Variants in DMPK observed in about 807,000 individuals in gnomAD.
The protein encoded by DMPK is myotonin-protein kinase.
DMPK carries 32 observed loss-of-function variants against 70.3 expected under a neutral mutation model. The ratio of observed to expected loss-of-function variants is 0.46; its 90% CI spans 0.34 to 0.61. The LOEUF (loss-of-function observed/expected upper bound fraction) is 0.61, where lower values mean the gene tolerates loss of function less well. DMPK is among the 20% of genes least tolerant of loss of function. The probability of loss-of-function intolerance (pLI) is 0.01; values close to 1 mark genes in which losing one functional copy is unlikely to be tolerated. For synonymous variants in DMPK, 469 were observed against 390.9 expected, an observed-to-expected ratio of 1.20 and a Z score of -2.36; for missense variants, 899 against 886.0, an observed-to-expected ratio of 1.01 and a Z score of -0.19.
In DMPK at chr19:45,770,451, T is replaced by TC. The variant is rs769885511; in HGVS notation, c.*36dup. 1.9e-6 allele frequency: 3 copies of TC among 1,548,724 alleles called. No individual in the cohort carries two copies. In the East Asian group the frequency reaches 7.3e-5, roughly 38 times the overall value. On this transcript the variant is annotated 3_prime_UTR_variant, in exon 15 of 15. Transcript: ENST00000291270. ...GTGCCGTGCCCCGGGCACTCAGTCT[T>TC]CCAACGGGGCCCCGGAGTCGAAGAC... is the stretch of plus-strand genomic sequence containing the variant.
chr19:45,774,925 GA>G, intron 9 of DMPK, 23 bp downstream of exon 9: 1 of 1,603,728 alleles, frequency 6.2e-7, no homozygotes, highest in Non-Finnish European at 8.5e-7. Context: ...GTGGCCCCTG[GA>G]GGCCGTCCAG....
rs1280621603 is a variant in DMPK at position 45,779,793 on chromosome 19, G to A, written c.237C>T (p.Arg79=). ...TTCGGCTTACCTCGCTGAACGCCCCGCGTCCGATCACCTTCAGAATCTCGA... is the reference window on the plus strand; with the variant it reads ...TTCGGCTTACCTCGCTGAACGCCCCACGTCCGATCACCTTCAGAATCTCGA... The part of the protein sequence containing the change: ...DDFEILKVIG[R]GAFSEVAVVK... Residue 79 remains arginine, a synonymous_variant, in exon 2 of 15, where the codon CGC becomes CGT. Transcript: ENST00000291270. The A allele has an allele frequency of 1.4e-6, 2 of 1,468,228 alleles. No homozygotes were observed. Among genetic ancestry groups the A allele is most frequent in the African/African-American group, 1.4e-5 (1 of 70,462 alleles). The allele number at this position is 1,468,228 out of a possible 1,614,324, so 91.0% of individuals were successfully genotyped here.
chr19:45,770,393 G>A lies in DMPK; in HGVS notation c.*95C>T, dbSNP rs951074280. 6.9e-7 allele frequency: 1 copy of A among 1,453,006 alleles called. No homozygotes were observed. The allele number at this position is 1,453,006 out of a possible 1,614,324, so 90.0% of individuals were successfully genotyped here. ...TGGGCGGAGACCCACGCTCGGAGCG[G>A]TTGTGAACTGGCAGGCGGTGGGCGC... On this transcript the variant is annotated 3_prime_UTR_variant, in exon 15 of 15. Coordinates refer to ENST00000291270, the MANE Select transcript of DMPK (RefSeq NM_004409.5).
rs1281272167 is a variant in DMPK, at chr19:45,777,333, C to A, written c.1140G>T (p.Gly380=). The change falls in exon 8 of 15, where the codon GGG becomes GGT. Residue 380 remains glycine (G), a synonymous_variant. Coordinates refer to ENST00000291270, the MANE Select transcript of DMPK (RefSeq NM_004409.5). The surrounding 1 kb of genome is among the most constrained non-coding windows in gnomAD (Gnocchi z 6.7). ...AGGGGCCACAGGTACCTACCCCGCC[C>A]CCGCTCACCATGGCAGTGAGCCCGT... The part of the protein sequence containing the change: ...VEDGLTAMVS[G]GGETLSDIRE... 1 of 1,571,748 alleles carries A rather than the reference C, an allele frequency of 6.4e-7. No homozygotes were observed. The highest frequency in any genetic ancestry group is 1.2e-5 in the South Asian group (1 of 84,584).
chr19:45,773,768 G>A (rs908221951), intron 9 of DMPK, among the ~76,000 whole-genome samples: 1 of 152,096 alleles, frequency 6.6e-6, no homozygotes, highest in African/African-American at 2.4e-5. Flanking sequence ...AGACTCCTGA[G>A]TAGCTAGGAC....
chr19:45,773,581 A>G (rs573469092), intron 9 of DMPK, among the ~76,000 whole-genome samples: 72 of 152,348 alleles, frequency 4.7e-4, no homozygotes, highest in Admixed American at 1.7e-3. Flanking sequence ...TGGTGAGCTC[A>G]CGAGATATCA....
chr19:45,778,762 C>T (rs1465147087), intron 4 of DMPK, 121 bp from the exon 5 acceptor site: 2 of 1,048,642 alleles, frequency 1.9e-6, no homozygotes, highest in Non-Finnish European at 2.8e-6. Flanking sequence ...AGCCCCAGCC[C>T]AGAGATAACC....
Position 45,770,529 on chromosome 19 carries a change from T to C in DMPK, c.1849A>G (p.Thr617Ala), listed in dbSNP as rs1294892467. The C allele has an allele frequency of 6.4e-7, 1 of 1,550,510 alleles. No individual in the cohort carries two copies. ...IGLVAHAGQL[T>A]AVWRRPGAAR... ...GCTCCTGGGCGGCGCCAGACTGCGGTGAGTTGGCCGGCGTGGGCCACCAAC... is the reference window on the plus strand; with the variant it reads ...GCTCCTGGGCGGCGCCAGACTGCGGCGAGTTGGCCGGCGTGGGCCACCAAC... The change falls in exon 15 of 15, where the codon ACC (threonine) becomes GCC (alanine). Residue 617 changes from threonine to alanine, a missense_variant. This residue lies in a region of DMPK where 555 missense variants were observed against 483.8 expected (regional missense o/e 1.15). Coordinates refer to ENST00000291270, the MANE Select transcript of DMPK (RefSeq NM_004409.5).
chr19:45,773,197 C>A (rs1370956536), intron 9 of DMPK, among the ~76,000 whole-genome samples: 1 of 152,180 alleles, frequency 6.6e-6, no homozygotes, highest in Admixed American at 6.5e-5. Context: ...TCAGCACACC[C>A]CACTCAGCTG....
chr19:45,779,552 G>C, intron 2 of DMPK, 30 bp from the exon 3 acceptor site: 2 of 1,613,092 alleles, frequency 1.2e-6, no homozygotes, highest in East Asian at 2.2e-5. Context: ...ACAGAGTGGA[G>C]ACGGCGGGAA....
In DMPK at chr19:45,778,549, G is replaced by A. The variant is rs1285377135; in HGVS notation, c.525C>T (p.Tyr175=). 1 of 1,614,010 alleles carries A rather than the reference G, an allele frequency of 6.2e-7. No individual in the cohort carries two copies. The highest frequency in any genetic ancestry group is 8.5e-7 in the Non-Finnish European group (1 of 1,180,032). The change falls in exon 5 of 15, where the codon TAC becomes TAT. Residue 175 remains tyrosine, a synonymous_variant. Coordinates refer to ENST00000291270, the MANE Select transcript of DMPK (RefSeq NM_004409.5). ...CTATGGCCATGACAATCTCCGCCAGGTAGAAGCGCGCCATCTCGGCCGGAA... is the reference window on the plus strand; with the variant it reads ...CTATGGCCATGACAATCTCCGCCAGATAGAAGCGCGCCATCTCGGCCGGAA... ...ERIPAEMARF[Y]LAEIVMAIDS...
In DMPK at chr19:45,777,169, A is replaced by C. The variant is rs1233901066; in HGVS notation, c.1146+158T>G. The stretch of plus-strand genomic sequence containing the variant: ...TGTTCCCCCACTGGACTGTAAGTCT[A>C]GGTCACTGCTGGGTCCTCAGTAGTA... On this transcript the variant is annotated intron_variant, in intron 8 of 14. Transcript: ENST00000291270. This position sits in a 1 kb window ranked among gnomAD's most constrained non-coding sequence, Gnocchi z 6.7. The C allele has an allele frequency of 9.9e-7, 1 of 1,013,502 alleles. No homozygotes were observed. The highest frequency in any genetic ancestry group is 2.7e-5 in the East Asian group (1 of 37,416). 62.8% of individuals were successfully genotyped at this position (1,013,502 alleles called of 1,614,324 possible). A position where few individuals can be genotyped will look rare whatever the true frequency, so the allele number is the denominator to read the frequency against.
At chr19:45,781,237 G>A (rs1049073612) in intron 1 of DMPK, among the ~76,000 whole-genome samples, 7 of 152,206 alleles carry the variant, frequency 4.6e-5, no homozygotes, top group African/African-American at 1.7e-4. Flanking sequence ...CAGTCACTGA[G>A]GGCCAGACAT....
At position 45,770,499 on chromosome 19, in the gene DMPK, G is replaced by A; in HGVS notation, c.1879C>T (p.Arg627Cys). 2 of 1,550,402 alleles carry A rather than the reference G, an allele frequency of 1.3e-6. No homozygotes were observed. The highest frequency in any genetic ancestry group is 2.7e-5 in the African/African-American group (2 of 73,176). ...GACAGTTCTAGGGTTCAGGGAGCGC[G>A]GGCGGCTCCTGGGCGGCGCCAGACT... Reference protein sequence around the residue: ...TAVWRRPGAARAP With the variant: ...TAVWRRPGAACAP Residue 627 changes from arginine to cysteine, a missense_variant, in exon 15 of 15, where the codon CGC (arginine) becomes TGC (cysteine). By Grantham distance (180) the Arg-to-Cys change is radical. Coordinates refer to ENST00000291270, the MANE Select transcript of DMPK (RefSeq NM_004409.5).
At chr19:45,780,120 G>C in intron 1 of DMPK, 3 of 1,456,362 alleles carry the variant, frequency 2.1e-6, no homozygotes, top group Non-Finnish European at 2.7e-6. Flanking sequence ...GGGCTCCAAG[G>C]GTGTGCAGGA....
chr19:45,780,148 C>G, intron 1 of DMPK: 1 of 1,434,970 alleles, frequency 7.0e-7, no homozygotes. Flanking sequence ...GGTGGGGTAA[C>G]GGAGTCTGCA....
intron 1 of DMPK, chr19:45,780,811 A>G (rs1490050539): frequency 6.2e-6 from 1 of 160,932 alleles, no homozygotes; most frequent in African/African-American, 2.4e-5. Context: ...GGAGAGAGCC[A>G]AGACATTGAG....
At chr19:45,770,763 C>T in intron 14 of DMPK, 123 bp from the exon 15 acceptor site, 1 of 1,204,316 alleles carries the variant, frequency 8.3e-7, no homozygotes, top group Non-Finnish European at 1.2e-6. Context: ...CCCCAACAGC[C>T]TACAGCTGTT....
At chr19:45,771,255 G>T in intron 13 of DMPK, 95 bp downstream of exon 13, 1 of 1,486,810 alleles carries the variant, frequency 6.7e-7, no homozygotes, top group Non-Finnish European at 9.1e-7. Flanking sequence ...AAGACGTAGG[G>T]TGAGCCCTAT....
Sources: gnomAD v4.1 joint callset for allele counts (sites outside exome capture counted in the v4.1 genomes callset) on GRCh38, gnomAD v4.1.1 for gene constraint, gnomAD v4.1.1 regional missense constraint, Gnocchi (gnomAD v3.1) non-coding constraint, MANE v1.5 for transcripts, NCBI Gene and HGNC (gene_info 2026-07-23, HGNC 2026-07-21) for gene names.